SP100: variants seen among roughly 807,000 people sequenced by gnomAD.
SP100 encodes SP100 nuclear body protein.
A neutral mutation model predicts 130.0 loss-of-function variants in SP100; 84 were observed. The ratio of observed to expected loss-of-function variants is 0.65; its 90% CI spans 0.54 to 0.77. The LOEUF (loss-of-function observed/expected upper bound fraction) is 0.77. SP100 is among the 30% of genes least tolerant of loss of function. The probability of loss-of-function intolerance (pLI) is 0.00; values close to 1 mark genes in which losing one functional copy is unlikely to be tolerated. For missense variants in SP100, 978 were observed against 1,052.2 expected (o/e 0.93, Z 0.97); for synonymous variants, 331 against 351.7 (o/e 0.94, Z 0.66).
chr2:230,450,909 T>C (rs561625948), intron 8 of SP100, among the ~76,000 whole-genome samples: 1 of 152,346 alleles, frequency 6.6e-6, no homozygotes, highest in South Asian at 2.1e-4. Flanking sequence ...GTTGTTTCTG[T>C]ATCTTGGCTA....
At chr2:230,469,298 A>G (rs985357551) in intron 14 of SP100, among the ~76,000 whole-genome samples, 11 of 152,194 alleles carry the variant, frequency 7.2e-5, no homozygotes, top group African/African-American at 2.4e-4. Flanking sequence ...AGTGCAACAT[A>G]AGTTTATTTT....
Position 230,508,030 on chromosome 2 carries a change from AG to A in SP100, c.2052+1del. On this transcript the variant is annotated frameshift_variant and splice_region_variant, in exon 23 of 29. Transcript: ENST00000340126. LOFTEE classifies it high-confidence loss of function. Reference protein sequence around the residue: ...FLPEPPSTRKKRILESHNNTL... With the variant: ...FLPEPPSTRKXRILESHNNTL... ...CCAGAACCACCAAGCACAAGAAAAA[AG>A]GTGATGATCAAGTGATCTTCTGCCA... 2 of 1,613,406 alleles carry A rather than the reference AG, an allele frequency of 1.2e-6. No individual in the cohort carries two copies. Among genetic ancestry groups the A allele is most frequent in the Non-Finnish European group, 8.5e-7 (1 of 1,179,656 alleles).
chr2:230,479,105 G>C (rs566086535), intron 17 of SP100, among the ~76,000 whole-genome samples: 1 of 152,240 alleles, frequency 6.6e-6, no homozygotes, highest in South Asian at 2.1e-4. Context: ...ACAGGCGCGA[G>C]CCACCGTGCC....
Position 230,473,182 on chromosome 2 carries a change from C to T in SP100, c.1430-142C>T. The T allele has an allele frequency of 5.3e-6, 3 of 566,266 alleles. No individual in the cohort carries two copies. The Admixed American group carries it at 8.7e-5, about 16-fold the overall frequency. The allele number at this position is 566,266 out of a possible 1,614,324, so 35.1% of individuals were successfully genotyped here. On this transcript the variant is annotated intron_variant, in intron 15 of 28. Coordinates refer to ENST00000340126, the MANE Select transcript of SP100 (RefSeq NM_001080391.2). ...CAGAAGGGAAAAATACAGTGAGGAA[C>T]CACAAAAGAAAAAGAGATTTCAGAT...
At chr2:230,481,009 T>C (rs865961747) in intron 17 of SP100, among the ~76,000 whole-genome samples, 26 of 143,936 alleles carry the variant, frequency 1.8e-4, no homozygotes, top group African/African-American at 6.7e-4. Flanking sequence ...GGTGGTAGTG[T>C]GGATAGTGGT....
At chr2:230,542,743 G>T in intron 28 of SP100, 93 bp from the exon 29 acceptor site, 1 of 662,700 alleles carries the variant, frequency 1.5e-6, no homozygotes, top group Non-Finnish European at 2.7e-6. Flanking sequence ...TAACATTTGG[G>T]ATAACCTAAA....
intron 2 of SP100, among the ~76,000 whole-genome samples, chr2:230,421,504 C>T (rs913625095): frequency 1.4e-5 from 2 of 146,278 alleles, no homozygotes; most frequent in African/African-American, 5.0e-5. Context: ...AGAAGATATA[C>T]ATATATATAT....
At chr2:230,464,249 A>T in intron 11 of SP100, 99 bp downstream of exon 11, 1 of 734,400 alleles carries the variant, frequency 1.4e-6, no homozygotes, top group Non-Finnish European at 2.4e-6. Flanking sequence ...TGGTCTCCTT[A>T]TGCCTTGATT....
intron 2 of SP100, among the ~76,000 whole-genome samples, chr2:230,439,838 G>A (rs960458494): frequency 9.2e-5 from 14 of 151,996 alleles, no homozygotes; most frequent in African/African-American, 2.2e-4. Context: ...CTGACTGCTC[G>A]GGCTAGGACT....
chr2:230,419,527 G>A (rs2062710358), intron 2 of SP100, among the ~76,000 whole-genome samples: 1 of 152,212 alleles, frequency 6.6e-6, no homozygotes, highest in African/African-American at 2.4e-5. Flanking sequence ...ATATGCCAAA[G>A]AGAAGCCGTC....
intron 18 of SP100, among the ~76,000 whole-genome samples, chr2:230,496,602 C>T (rs2066679741): frequency 6.6e-6 from 1 of 152,052 alleles, no homozygotes; most frequent in Non-Finnish European, 1.5e-5. Flanking sequence ...TTTGCACCAA[C>T]CTTATAGATT....
Position 230,494,443 on chromosome 2 carries a change from TA to T in SP100, c.1631del (p.Asn544MetfsTer16). 1 of 1,608,352 alleles carries T rather than the reference TA, an allele frequency of 6.2e-7. No homozygotes were observed. The highest frequency in any genetic ancestry group is 8.5e-7 in the Non-Finnish European group (1 of 1,174,832). ...RRKKRRHRSKVNGLQRGRKKD... is the reference protein window; with the variant it reads ...RRKKRRHRSKXNGLQRGRKKD... ...AAAAAGAGAAGGCATAGATCTAAAG[TA>T]AATGGTCTCCAAAGAGGTAAGAAGA... On this transcript the variant is annotated frameshift_variant, in exon 18 of 29. Coordinates refer to ENST00000340126, the MANE Select transcript of SP100 (RefSeq NM_001080391.2). LOFTEE classifies it high-confidence loss of function.
intron 8 of SP100, among the ~76,000 whole-genome samples, chr2:230,452,535 C>T (rs1402945895): frequency 6.6e-6 from 1 of 152,170 alleles, no homozygotes; most frequent in Non-Finnish European, 1.5e-5. Flanking sequence ...GTTGTCTGGA[C>T]ATTTTAACAA....
chr2:230,467,951 A>C (rs1364557699), intron 13 of SP100, among the ~76,000 whole-genome samples: 1 of 152,250 alleles, frequency 6.6e-6, no homozygotes, highest in South Asian at 2.1e-4. Flanking sequence ...TGACAGAAAG[A>C]AAGCCTCCTG....
In SP100 at chr2:230,446,907, A is replaced by G. The variant is rs375385615; in HGVS notation, c.523+5A>G. 64 of 1,576,460 alleles carry G rather than the reference A, an allele frequency of 4.1e-5. No individual in the cohort carries two copies. The highest frequency in any genetic ancestry group is 5.0e-5 in the Non-Finnish European group (58 of 1,148,964). ...TCCAACTAAGTCTTGAACAAGGTAA[A>G]AATGACAGAATAAAAGCTTTTTTCT... On this transcript the variant is annotated splice_donor_5th_base_variant and intron_variant, in intron 5 of 28. Coordinates refer to ENST00000340126, the MANE Select transcript of SP100 (RefSeq NM_001080391.2).
intron 24 of SP100, chr2:230,515,795 A>T: frequency 1.4e-6 from 2 of 1,462,274 alleles, no homozygotes; most frequent in South Asian, 2.9e-5. Flanking sequence ...ACCACTACCG[A>T]ATGTGTCTTC....
chr2:230,431,534 G>A (rs1017382435), intron 2 of SP100, among the ~76,000 whole-genome samples: 1 of 152,308 alleles, frequency 6.6e-6, no homozygotes, highest in South Asian at 2.1e-4. Flanking sequence ...AGGCATCCTT[G>A]TCTATGGATA....
intron 24 of SP100, chr2:230,515,448 G>A: frequency 6.2e-7 from 1 of 1,613,808 alleles, no homozygotes; most frequent in Non-Finnish European, 8.5e-7. Context: ...CTGACAAGCA[G>A]TTTTATGAAA....
chr2:230,433,812 A>T (rs1332890725), intron 2 of SP100, among the ~76,000 whole-genome samples: 1 of 151,242 alleles, frequency 6.6e-6, no homozygotes, highest in African/African-American at 2.4e-5. Context: ...TATTATTCAT[A>T]ACTTATTCAA....
Sources: allele counts gnomAD v4.1 joint callset (sites outside exome capture counted in the v4.1 genomes callset), GRCh38; gene constraint gnomAD v4.1.1; transcripts MANE v1.5; gene names NCBI Gene and HGNC (gene_info 2026-07-23, HGNC 2026-07-21).